Variants in FOXP1 observed in about 807,000 individuals in gnomAD.
The protein encoded by FOXP1 is forkhead box protein P1.
A neutral mutation model predicts 98.2 loss-of-function variants in FOXP1; 15 were observed. That is an observed-to-expected ratio of 0.15 (90% CI 0.10 to 0.24). The LOEUF is 0.24. FOXP1 is among the 10% of genes least tolerant of loss of function. The pLI is 1.00. For synonymous variants in FOXP1, 371 were observed against 314.5 expected (o/e 1.18, Z -1.90); for missense variants, 633 against 848.5 (o/e 0.75, Z 3.15).
intron 5 of FOXP1, among the ~76,000 whole-genome samples, chr3:71,272,317 C>T (rs946156242): frequency 6.6e-6 from 1 of 152,172 alleles, no homozygotes; most frequent in Non-Finnish European, 1.5e-5. Context: ...TTTCTCTCAG[C>T]AGTGTCCTCG....
At chr3:71,102,696 G>A (rs2057069476) in intron 7 of FOXP1, among the ~76,000 whole-genome samples, 1 of 152,168 alleles carries the variant, frequency 6.6e-6, no homozygotes, top group Non-Finnish European at 1.5e-5. Flanking sequence ...TCCAAATTAG[G>A]AGACGGTGTG....
chr3:71,288,100 G>T (rs1169605404), intron 5 of FOXP1, among the ~76,000 whole-genome samples: 1 of 152,038 alleles, frequency 6.6e-6, no homozygotes. Context: ...GGCTGGTCTC[G>T]AACTCCTGAG....
Position 70,959,187 on chromosome 3 carries a change from CGT to C in FOXP1, c.*58_*59del, listed in dbSNP as rs2032573626. ...GAACAATTTCACTGCTAACTTTTGACGTGTTTTTTTTTTTTTCCTTTTTCCAA... is the reference window on the plus strand; with the variant it reads ...GAACAATTTCACTGCTAACTTTTGACGTTTTTTTTTTTTTCCTTTTTCCAA... On this transcript the variant is annotated 3_prime_UTR_variant, in exon 21 of 21. Transcript: ENST00000649528. The C allele has an allele frequency of 2.0e-6, 3 of 1,491,724 alleles. No homozygotes were observed. The highest frequency in any genetic ancestry group is 1.1e-5 in the South Asian group (1 of 87,596). 92.4% of individuals were successfully genotyped at this position (1,491,724 alleles called of 1,614,324 possible).
chr3:71,299,421 G>C (rs2073652116), intron 5 of FOXP1, among the ~76,000 whole-genome samples: 3 of 152,238 alleles, frequency 2.0e-5, no homozygotes, highest in South Asian at 4.1e-4. Context: ...AACATCAATT[G>C]GATGACACCA....
intron 9 of FOXP1, among the ~76,000 whole-genome samples, chr3:71,048,788 T>C (rs1228502759): frequency 1.5e-5 from 2 of 135,312 alleles, no homozygotes; most frequent in African/African-American, 5.6e-5. Flanking sequence ...TTAGCTTTTC[T>C]GAAAGCAGAC....
intron 3 of FOXP1, among the ~76,000 whole-genome samples, chr3:71,394,839 G>C (rs185962624): frequency 2.6e-5 from 4 of 152,014 alleles, no homozygotes; most frequent in Admixed American, 2.6e-4. Context: ...GGTGGCTAAC[G>C]CCTGTAATCC....
rs186358752 is a variant in FOXP1, at chr3:71,098,499, G to A, written c.282+14037C>T. Among the ~76,000 whole-genome samples, 26 of 152,282 alleles carry A rather than the reference G, an allele frequency of 1.7e-4. No individual in the cohort carries two copies. The East Asian group carries it at 4.8e-3, about 28-fold the overall frequency. ...AAAGATTTAGGCAGGACTGACACAGGATTTTTTTTAATGCTGTTTTTATGG... is the reference window on the plus strand; with the variant it reads ...AAAGATTTAGGCAGGACTGACACAGAATTTTTTTTAATGCTGTTTTTATGG... On this transcript the variant is annotated intron_variant, in intron 7 of 20. Transcript: ENST00000649528.
At chr3:71,063,808 T>C (rs768561190) in intron 7 of FOXP1, among the ~76,000 whole-genome samples, 8 of 152,204 alleles carry the variant, frequency 5.3e-5, no homozygotes, top group Admixed American at 6.5e-5. Context: ...ATAAAATTAC[T>C]AGATATTTTA....
At chr3:71,223,801 T>C (rs1258784888) in intron 5 of FOXP1, among the ~76,000 whole-genome samples, 1 of 152,148 alleles carries the variant, frequency 6.6e-6, no homozygotes, top group Non-Finnish European at 1.5e-5. Flanking sequence ...AGTGACCAGA[T>C]GGCTCTCCGC....
chr3:71,533,952 T>C (rs914266958), intron 2 of FOXP1, among the ~76,000 whole-genome samples: 4 of 152,220 alleles, frequency 2.6e-5, no homozygotes, highest in South Asian at 2.1e-4. Context: ...AGCCCAATTG[T>C]TCAAAAAAGA....
chr3:70,973,835 G>GCCCCCCCCCCCCCCCCCCCC (rs56950015), intron 17 of FOXP1, among the ~76,000 whole-genome samples: 22 of 36,732 alleles, frequency 6.0e-4, no homozygotes, highest in African/African-American at 8.1e-4. Flanking sequence ...TTTGCACACC[G>GCCCCCCCCCCCCCCCCCCCC]CCCCCCCCCC....
intron 4 of FOXP1, among the ~76,000 whole-genome samples, chr3:71,348,061 T>C (rs148872539): frequency 1.2e-4 from 18 of 152,250 alleles, no homozygotes; most frequent in Non-Finnish European, 2.6e-4. Context: ...AGATTAATGA[T>C]AACAAATAAC....
At chr3:71,171,993 C>T (rs998733799) in intron 6 of FOXP1, among the ~76,000 whole-genome samples, 4 of 152,210 alleles carry the variant, frequency 2.6e-5, no homozygotes, top group Non-Finnish European at 4.4e-5. Context: ...ATCTCCCCCA[C>T]CTAATAATCT....
At chr3:71,459,932 T>G (rs56146007) in intron 3 of FOXP1, among the ~76,000 whole-genome samples, 43,999 of 144,450 alleles carry the variant, frequency 0.3, 7,375 homozygotes, top group Non-Finnish European at 0.41. Context: ...CCCCATCTTC[T>G]TTTTTTTTTT....
intron 5 of FOXP1, among the ~76,000 whole-genome samples, chr3:71,281,041 A>C (rs905351114): frequency 0.29 from 14,435 of 49,210 alleles, 999 homozygotes; most frequent in East Asian, 0.59. Context: ...CTTCTCTACA[A>C]AAAAAAAAAA....
chr3:71,284,385 C>T (rs2071887109), intron 5 of FOXP1, among the ~76,000 whole-genome samples: 1 of 152,130 alleles, frequency 6.6e-6, no homozygotes, highest in South Asian at 2.1e-4. Flanking sequence ...GGCAACATGG[C>T]AGAAACCCGT....
At chr3:71,497,635 T>C (rs553776047) in intron 2 of FOXP1, among the ~76,000 whole-genome samples, 12 of 152,330 alleles carry the variant, frequency 7.9e-5, no homozygotes, top group Middle Eastern at 3.4e-3. Context: ...TCTGCTGTTC[T>C]ACCCAACAGA....
intron 6 of FOXP1, among the ~76,000 whole-genome samples, chr3:71,146,532 C>G (rs1408754803): frequency 3.3e-5 from 5 of 152,086 alleles, no homozygotes; most frequent in Non-Finnish European, 5.9e-5. Flanking sequence ...AAATAAAAAT[C>G]TGATTGAACA....
intron 3 of FOXP1, among the ~76,000 whole-genome samples, chr3:71,487,494 G>A (rs2090745687): frequency 1.3e-5 from 2 of 152,230 alleles, no homozygotes; most frequent in Non-Finnish European, 2.9e-5. Flanking sequence ...ACACTGCATT[G>A]TAAATGTAAA....
Sources: allele counts gnomAD v4.1 joint callset (sites outside exome capture counted in the v4.1 genomes callset), GRCh38; gene constraint gnomAD v4.1.1; transcripts MANE v1.5; gene names NCBI Gene and HGNC (gene_info 2026-07-23, HGNC 2026-07-21).